SAMD12: variants seen among roughly 807,000 people sequenced by gnomAD.
SAMD12 encodes sterile alpha motif domain containing 12.
A neutral mutation model predicts 15.0 loss-of-function variants in SAMD12; 9 were observed. That is an observed-to-expected ratio of 0.60 (90% CI 0.36 to 1.05). The LOEUF (loss-of-function observed/expected upper bound fraction) is 1.05. SAMD12 is among the 50% of genes least tolerant of loss of function. The pLI is 0.01. For missense variants in SAMD12, 230 were observed against 234.2 expected (o/e 0.98, Z 0.12); for synonymous variants, 86 against 90.1 (o/e 0.96, Z 0.25).
chr8:118,243,147 T>A (rs550102439), intron 4 of SAMD12, among the ~76,000 whole-genome samples: 29 of 152,294 alleles, frequency 1.9e-4, no homozygotes, highest in African/African-American at 6.5e-4. Flanking sequence ...GTACACATAG[T>A]AACATGGTTA....
chr8:118,175,492 T>C, the SAMD12 span, among the ~76,000 whole-genome samples: 60 of 152,318 alleles, frequency 3.9e-4, no homozygotes, highest in African/African-American at 1.4e-3. Flanking sequence ...ATTTGACAAG[T>C]GGGAGCTTAT....
the SAMD12 span, among the ~76,000 whole-genome samples, chr8:118,150,254 G>C: frequency 6.6e-6 from 1 of 152,076 alleles, no homozygotes; most frequent in Non-Finnish European, 1.5e-5. Context: ...ATACCTTCAA[G>C]TATATTATAT....
intron 2 of SAMD12, among the ~76,000 whole-genome samples, chr8:118,464,159 C>A (rs1483654116): frequency 6.6e-6 from 1 of 152,110 alleles, no homozygotes; most frequent in Non-Finnish European, 1.5e-5. Context: ...AATAAATAAA[C>A]AAAGGCTGGG....
chr8:118,515,320 C>T (rs1017831726), intron 2 of SAMD12, among the ~76,000 whole-genome samples: 3 of 151,478 alleles, frequency 2.0e-5, no homozygotes, highest in African/African-American at 7.3e-5. Flanking sequence ...AGCACCTCCT[C>T]CTTCTCTTTC....
At chr8:118,329,073 G>A (rs1483293036) in intron 4 of SAMD12, among the ~76,000 whole-genome samples, 3 of 152,180 alleles carry the variant, frequency 2.0e-5, no homozygotes, top group Admixed American at 2.0e-4. Context: ...TCCTAAGAGT[G>A]CAGCACAGTT....
chr8:118,207,153 T>G (rs1156530193), intron 4 of SAMD12, among the ~76,000 whole-genome samples: 3 of 152,238 alleles, frequency 2.0e-5, no homozygotes, highest in African/African-American at 7.2e-5. Context: ...ATTTAGGATA[T>G]CTATTAACTC....
intron 2 of SAMD12, among the ~76,000 whole-genome samples, chr8:118,440,364 T>C (rs553952190): frequency 2.6e-5 from 4 of 152,278 alleles, no homozygotes; most frequent in Non-Finnish European, 5.9e-5. Context: ...TTCTAGAGCC[T>C]AGCACAACAC....
At chr8:118,281,770 A>G (rs1813656819) in intron 4 of SAMD12, among the ~76,000 whole-genome samples, 1 of 152,196 alleles carries the variant, frequency 6.6e-6, no homozygotes, top group African/African-American at 2.4e-5. Flanking sequence ...ACCAAGTATG[A>G]TTCCAGGAAT....
At chr8:118,621,680 A>T in intron 1 of SAMD12, 124 bp downstream of exon 1, 1 of 1,097,650 alleles carries the variant, frequency 9.1e-7, no homozygotes, top group Non-Finnish European at 1.4e-6. Flanking sequence ...GTGGAGGAGG[A>T]AGGGGCCCGC....
chr8:118,607,595 C>T (rs753380493), intron 1 of SAMD12, among the ~76,000 whole-genome samples: 8 of 152,210 alleles, frequency 5.3e-5, no homozygotes, highest in Non-Finnish European at 1.0e-4. Context: ...CTACTGCTTA[C>T]TAGCTGTGTG....
At chr8:118,533,260 T>C (rs543393759) in intron 2 of SAMD12, among the ~76,000 whole-genome samples, 2 of 152,366 alleles carry the variant, frequency 1.3e-5, no homozygotes, top group Admixed American at 6.5e-5. Context: ...TTGAGTGAGT[T>C]TCTTAATCCT....
chr8:118,563,811 C>A (rs1266687970), intron 2 of SAMD12, among the ~76,000 whole-genome samples: 1 of 152,188 alleles, frequency 6.6e-6, no homozygotes, highest in Non-Finnish European at 1.5e-5. Context: ...GTAACCATTT[C>A]TTTTCCCTCT....
intron 4 of SAMD12, among the ~76,000 whole-genome samples, chr8:118,241,816 C>T (rs1370043710): frequency 2.6e-5 from 4 of 152,190 alleles, no homozygotes; most frequent in Non-Finnish European, 5.9e-5. Context: ...ATAAACATTC[C>T]AGTTATAAGA....
chr8:118,496,731 T>C (rs558024051), intron 2 of SAMD12, among the ~76,000 whole-genome samples: 14 of 151,916 alleles, frequency 9.2e-5, no homozygotes, highest in Non-Finnish European at 2.1e-4. Context: ...GGGACCTAAT[T>C]AAAGATCTTC....
At chr8:118,492,985 C>G (rs1462177495) in intron 2 of SAMD12, among the ~76,000 whole-genome samples, 1 of 152,020 alleles carries the variant, frequency 6.6e-6, no homozygotes, top group Non-Finnish European at 1.5e-5. Flanking sequence ...TGCTACATAC[C>G]CAGTATATCA....
intron 4 of SAMD12, among the ~76,000 whole-genome samples, chr8:118,316,093 G>A (rs1327854649): frequency 6.6e-6 from 1 of 152,110 alleles, no homozygotes; most frequent in East Asian, 1.9e-4. Context: ...CTCACATGCT[G>A]TTCGAAGGAA....
chr8:118,621,562 T>C, intron 1 of SAMD12: 1 of 564,546 alleles, frequency 1.8e-6, no homozygotes, highest in Non-Finnish European at 3.2e-6. Context: ...GGGACACTCG[T>C]CTCCACACCT....
chr8:118,339,089 G>A (rs1210998502), intron 4 of SAMD12, among the ~76,000 whole-genome samples: 8 of 152,158 alleles, frequency 5.3e-5, no homozygotes, highest in Non-Finnish European at 2.9e-5. Flanking sequence ...ATTTTGGGAG[G>A]CTGAGGTGTG....
At chr8:118,165,734 T>G in the SAMD12 span, among the ~76,000 whole-genome samples, 4 of 151,290 alleles carry the variant, frequency 2.6e-5, no homozygotes, top group African/African-American at 9.7e-5. Context: ...CTCATGCTTT[T>G]AAATTTACTT....
Sources: gnomAD v4.1 joint callset for allele counts (sites outside exome capture counted in the v4.1 genomes callset) on GRCh38, gnomAD v4.1.1 for gene constraint, MANE v1.5 for transcripts, NCBI Gene and HGNC (gene_info 2026-07-23, HGNC 2026-07-21) for gene names.